Variants in HHLA1 observed in about 807,000 individuals in gnomAD.
The protein encoded by HHLA1 is HHLA1 neighbor of OC90, also known as HERV-H LTR-associating protein 1.
A neutral mutation model predicts 69.9 loss-of-function variants in HHLA1; 72 were observed. The ratio of observed to expected loss-of-function variants is 1.03; its 90% confidence interval spans 0.85 to 1.25. The LOEUF (loss-of-function observed/expected upper bound fraction) is 1.25, where lower values mean the gene tolerates loss of function less well. Ranked by LOEUF, HHLA1 falls within the 50% of genes most tolerant of loss-of-function variation. The pLI, the probability that HHLA1 is intolerant of heterozygous loss-of-function variation, is 0.00. For synonymous variants in HHLA1, 252 were observed against 233.2 expected (o/e 1.08, Z -0.73); for missense variants, 685 against 642.2 (o/e 1.07, Z -0.72).
chr8:132,098,190 C>T (rs190239102), intron 5 of HHLA1, among the ~76,000 whole-genome samples: 1 of 152,316 alleles, frequency 6.6e-6, no homozygotes, highest in Non-Finnish European at 1.5e-5. Context: ...CACTAGGGAT[C>T]ATTCAGGCTT....
In HHLA1 at chr8:132,108,613, A is replaced by G. The variant is rs186687727; in HGVS notation, c.-22+2489T>C. Among the ~76,000 whole-genome samples, 258 of 152,316 alleles carry G rather than the reference A, an allele frequency of 1.7e-3. 2 individuals are homozygous for G. Among genetic ancestry groups the G allele is most frequent in the African/African-American group, 5.9e-3 (244 of 41,584 alleles). On this transcript the variant is annotated intron_variant, in intron 1 of 16. Transcript: ENST00000414222. ...TTATTGAAGGGGATCAAAATATGCC[A>G]GCCAAAATATACTATCCCCTAATAA...
intron 5 of HHLA1, among the ~76,000 whole-genome samples, chr8:132,097,423 G>T (rs1398840952): frequency 2.0e-5 from 3 of 152,154 alleles, no homozygotes; most frequent in African/African-American, 4.8e-5. Flanking sequence ...AACTCTATGT[G>T]GCAATGGGCA....
At chr8:132,076,193 C>A (rs1823636932) in intron 13 of HHLA1, 64 bp from the exon 14 acceptor site, 2 of 1,137,820 alleles carry the variant, frequency 1.8e-6, no homozygotes, top group South Asian at 1.4e-5. Context: ...ATACACACAG[C>A]AAGAAATTTA....
intron 3 of HHLA1, among the ~76,000 whole-genome samples, chr8:132,103,138 A>G (rs1300718850): frequency 6.6e-6 from 1 of 152,060 alleles, no homozygotes; most frequent in East Asian, 1.9e-4. Context: ...ATTTAAGGAG[A>G]AGAAAATTGA....
At chr8:132,101,101 A>G (rs547489754) in intron 3 of HHLA1, 941 of 1,408,512 alleles carry the variant, frequency 6.7e-4, no homozygotes, top group Non-Finnish European at 8.5e-4. Flanking sequence ...CATTGCAACA[A>G]TAGGTACCAG....
chr8:132,073,502 A>G (rs768903710), intron 14 of HHLA1, among the ~76,000 whole-genome samples: 1 of 152,126 alleles, frequency 6.6e-6, no homozygotes, highest in Non-Finnish European at 1.5e-5. Flanking sequence ...ATTTTATCTA[A>G]TTCTCATAAA....
chr8:132,077,199 C>G (rs1823659948), intron 12 of HHLA1, among the ~76,000 whole-genome samples: 1 of 152,128 alleles, frequency 6.6e-6, no homozygotes, highest in Admixed American at 6.5e-5. Context: ...CGATGGACAC[C>G]CAGTTCAGCT....
At chr8:132,074,533 G>A (rs144599674) in intron 14 of HHLA1, among the ~76,000 whole-genome samples, 1,948 of 152,252 alleles carry the variant, frequency 0.013, 38 homozygotes, top group Admixed American at 0.045. Flanking sequence ...GTACCTGGCA[G>A]TACAGTAGGA....
chr8:132,079,956 G>A lies in HHLA1; in HGVS notation c.687C>T (p.Thr229=). 6.4e-7 allele frequency: 1 copy of A among 1,552,260 alleles called. No homozygotes were observed. The highest frequency in any genetic ancestry group is 8.7e-7 in the Non-Finnish European group (1 of 1,147,116). ...GCTTTGAAGTCCTGGCAGTTCCCCTGGTAGCTGCACCTTCAGGGAGGCAGT... is the reference window on the plus strand; with the variant it reads ...GCTTTGAAGTCCTGGCAGTTCCCCTAGTAGCTGCACCTTCAGGGAGGCAGT... ...SGLSGVLGAA[T]RGTARTSKPT... Residue 229 remains threonine, a synonymous_variant, in exon 11 of 17, where the codon ACC becomes ACT. Transcript: ENST00000414222.
chr8:132,100,897 A>G (rs1275039260), intron 3 of HHLA1, among the ~76,000 whole-genome samples: 1 of 152,260 alleles, frequency 6.6e-6, no homozygotes. Flanking sequence ...CTATAGAATC[A>G]CACTGCACTT....
rs549521499 is a variant in HHLA1, at chr8:132,100,283, C to T, written c.140-149G>A. ...GAGGAAAGGCAGATCACAGACTCTT[C>T]TGCATGGCCCTAATACAGTTTCTAA... On this transcript the variant is annotated intron_variant, in intron 3 of 16. Coordinates refer to ENST00000414222, the MANE Select transcript of HHLA1 (RefSeq NM_001145095.3). 404 of 644,114 alleles carry T rather than the reference C, an allele frequency of 6.3e-4. 2 individuals carry two copies. The East Asian group carries it at 9.4e-3, about 15-fold the overall frequency. 39.9% of individuals were successfully genotyped at this position (644,114 alleles called of 1,614,324 possible).
At chr8:132,095,351 C>T (rs1280417501) in intron 7 of HHLA1, among the ~76,000 whole-genome samples, 168 bp downstream of exon 7, 1 of 152,190 alleles carries the variant, frequency 6.6e-6, no homozygotes, top group Non-Finnish European at 1.5e-5. Context: ...CCTCCTGTTG[C>T]TTTTGCACAC....
At chr8:132,075,924 T>C in intron 14 of HHLA1, 131 bp downstream of exon 14, 3 of 651,040 alleles carry the variant, frequency 4.6e-6, no homozygotes, top group East Asian at 2.9e-5. Context: ...CACCAGTAAA[T>C]GGCTGAGCTA....
chr8:132,082,252 G>C (rs972844580), intron 10 of HHLA1, among the ~76,000 whole-genome samples: 3 of 152,228 alleles, frequency 2.0e-5, no homozygotes, highest in African/African-American at 7.2e-5. Context: ...GAGAACTGTA[G>C]AGAGTGAGTT....
rs144606179 is a variant in HHLA1 at position 132,076,626 on chromosome 8, C to T, written c.1172-83G>A. On this transcript the variant is annotated intron_variant, in intron 12 of 16. Coordinates refer to ENST00000414222, the MANE Select transcript of HHLA1 (RefSeq NM_001145095.3). ...AAGATGACCAGGGCCACCTATCCTG[C>T]CCTATCCAACCAATGTTGGTTAAGC... is the stretch of plus-strand genomic sequence containing the variant. 1,162 of 842,088 alleles carry T rather than the reference C, an allele frequency of 1.4e-3. 6 individuals are homozygous for T. The highest frequency in any genetic ancestry group is 0.011 in the African/African-American group (619 of 56,228). 52.2% of individuals were successfully genotyped at this position (842,088 alleles called of 1,614,324 possible).
At position 132,100,065 on chromosome 8, in the gene HHLA1, C is replaced by A; in HGVS notation, c.199+10G>T. On this transcript the variant is annotated intron_variant, in intron 4 of 16. Transcript: ENST00000414222. ...AGACAACCCAAGGGATTTGGGGGAG[C>A]GGCACTCACCCGTCGTAGCAAGAAA... 2 of 1,548,840 alleles carry A rather than the reference C, an allele frequency of 1.3e-6. No individual in the cohort carries two copies. Among genetic ancestry groups the A allele is most frequent in the South Asian group, 2.4e-5 (2 of 84,006 alleles).
At chr8:132,106,210 G>A (rs567295300) in intron 1 of HHLA1, among the ~76,000 whole-genome samples, 24 of 152,286 alleles carry the variant, frequency 1.6e-4, no homozygotes, top group African/African-American at 5.1e-4. Context: ...TGAATTGGGC[G>A]GGAAGAAAAG....
At chr8:132,090,755 CTTTTT>C (rs398047424) in intron 7 of HHLA1, among the ~76,000 whole-genome samples, 6 of 97,670 alleles carry the variant, frequency 6.1e-5, no homozygotes, top group African/African-American at 1.7e-4. Context: ...CTTTCTCTCT[CTTTTT>C]TTTTTTTTTT....
At chr8:132,073,658 T>A (rs926019793) in intron 14 of HHLA1, among the ~76,000 whole-genome samples, 4 of 152,188 alleles carry the variant, frequency 2.6e-5, no homozygotes, top group Non-Finnish European at 4.4e-5. Context: ...CTTCACTACT[T>A]GAACATAATT....
Sources: allele counts gnomAD v4.1 joint callset (sites outside exome capture counted in the v4.1 genomes callset), GRCh38; gene constraint gnomAD v4.1.1; transcripts MANE v1.5; gene names NCBI Gene and HGNC (gene_info 2026-07-23, HGNC 2026-07-21).